LANCL1: variants seen among roughly 807,000 people sequenced by gnomAD.
The protein encoded by LANCL1 is glutathione S-transferase LANCL1.
In LANCL1, 50 loss-of-function variants were observed where a neutral mutation model predicts 50.6. The observed-to-expected ratio is 0.99, with a 90% CI of 0.79 to 1.25. The LOEUF (loss-of-function observed/expected upper bound fraction) is 1.25, where lower values mean the gene tolerates loss of function less well. Ranked by LOEUF, LANCL1 falls within the 50% of genes most tolerant of loss-of-function variation. LANCL1 has a pLI of 0.00. For missense variants in LANCL1, 532 were observed against 480.7 expected, an observed-to-expected ratio of 1.11 and a Z score of -1.00; for synonymous variants, 188 against 178.6, an observed-to-expected ratio of 1.05 and a Z score of -0.42.
chr2:210,436,816 T>C (rs928580703), intron 7 of LANCL1, among the ~76,000 whole-genome samples: 3 of 152,162 alleles, frequency 2.0e-5, no homozygotes, highest in East Asian at 1.9e-4. Context: ...GTCAGAAAAA[T>C]AGAGATAGAC....
chr2:210,447,785 C>CA (rs1359859728), intron 4 of LANCL1, among the ~76,000 whole-genome samples: 1 of 152,116 alleles, frequency 6.6e-6, no homozygotes, highest in African/African-American at 2.4e-5. Flanking sequence ...GTAAAGGGAT[C>CA]AATGCAACAA....
Position 210,441,411 on chromosome 2 carries a change from G to A in LANCL1, c.440C>T (p.Ala147Val). The change falls in exon 5 of 10, where the codon GCT (alanine) becomes GTT (valine). Residue 147 changes from alanine (A) to valine (V), a missense_variant. By Grantham distance (64) the Ala-to-Val change is moderately conservative. Transcript: ENST00000450366. ...TCGCCCATAGAGCATTTCATTTGGA[G>A]CATGAGGATCAATCTTATTTAGGTG... is the stretch of plus-strand genomic sequence containing the variant. ...LIHLNKIDPH[A>V]PNEMLYGRIG... 1 of 1,611,412 alleles carries A rather than the reference G, an allele frequency of 6.2e-7. No individual in the cohort carries two copies. The highest frequency in any genetic ancestry group is 8.5e-7 in the Non-Finnish European group (1 of 1,178,242).
intron 4 of LANCL1, chr2:210,442,825 G>C (rs558957635): frequency 6.6e-6 from 1 of 152,344 alleles, no homozygotes; most frequent in South Asian, 2.1e-4. Context: ...TCTGAACAAA[G>C]AGAACTCCTA....
chr2:210,441,173 G>T, intron 5 of LANCL1, 135 bp downstream of exon 5: 1 of 868,300 alleles, frequency 1.2e-6, no homozygotes, highest in Non-Finnish European at 1.8e-6. Flanking sequence ...CTTGGACTGT[G>T]CCCAACCTTT....
intron 2 of LANCL1, among the ~76,000 whole-genome samples, chr2:210,473,587 A>G (rs745324485): frequency 6.6e-6 from 1 of 152,154 alleles, no homozygotes; most frequent in Non-Finnish European, 1.5e-5. Context: ...TCAGAATCTC[A>G]TTTTTAAAAA....
rs375089783 is a variant in LANCL1, at chr2:210,433,617, A to T, written c.*870T>A. 3.2e-4 allele frequency: 49 copies of T among 152,340 alleles called. No homozygotes were observed. The highest frequency in any genetic ancestry group is 1.2e-3 in the African/African-American group (49 of 41,578). 9.4% of individuals were successfully genotyped at this position (152,340 alleles called of 1,614,324 possible). A position where few individuals can be genotyped will look rare whatever the true frequency, so the allele number is the denominator to read the frequency against. On this transcript the variant is annotated 3_prime_UTR_variant, in exon 10 of 10. Transcript: ENST00000450366. Reference sequence around the variant, plus strand: ...AAGTTTAGAAAGTCAGTCAGAGTGGACTGAAATCCTAGGTTAAAGCATATT... The same window carrying T: ...AAGTTTAGAAAGTCAGTCAGAGTGGTCTGAAATCCTAGGTTAAAGCATATT...
At chr2:210,474,093 A>G (rs1035271203) in intron 2 of LANCL1, among the ~76,000 whole-genome samples, 1 of 152,216 alleles carries the variant, frequency 6.6e-6, no homozygotes, top group South Asian at 2.1e-4. Flanking sequence ...AATAAAGGTG[A>G]CCTCTGTGAG....
At chr2:210,454,302 C>T (rs1345884018) in intron 4 of LANCL1, among the ~76,000 whole-genome samples, 1 of 151,680 alleles carries the variant, frequency 6.6e-6, no homozygotes, top group Admixed American at 6.6e-5. Flanking sequence ...TTTTTGAATA[C>T]AGCACTATGA....
At chr2:210,466,943 C>CA (rs35109214) in intron 3 of LANCL1, among the ~76,000 whole-genome samples, 13,648 of 149,566 alleles carry the variant, frequency 0.091, 668 homozygotes, top group Middle Eastern at 0.15. Context: ...GTGGATATGG[C>CA]AAAAAAAAAG....
upstream of LANCL1, among the ~76,000 whole-genome samples, chr2:210,477,096 G>A (rs1487223306): frequency 6.6e-6 from 1 of 151,374 alleles, no homozygotes; most frequent in Non-Finnish European, 1.5e-5. Context: ...TTTGGCGGGG[G>A]GTGGGGGGAT....
At chr2:210,453,996 C>T (rs1693587076) in intron 4 of LANCL1, among the ~76,000 whole-genome samples, 1 of 152,024 alleles carries the variant, frequency 6.6e-6, no homozygotes, top group South Asian at 2.1e-4. Flanking sequence ...TATGTAATGT[C>T]TAGCCCCTAA....
Position 210,432,033 on chromosome 2 carries a change from C to A in LANCL1, c.*2454G>T, listed in dbSNP as rs939027738. 9 of 152,102 alleles carry A rather than the reference C, an allele frequency of 5.9e-5. No individual in the cohort carries two copies. The highest frequency in any genetic ancestry group is 2.2e-4 in the African/African-American group (9 of 41,410). 9.4% of individuals were successfully genotyped at this position (152,102 alleles called of 1,614,324 possible). On this transcript the variant is annotated 3_prime_UTR_variant, in exon 10 of 10. Transcript: ENST00000450366. Reference sequence around the variant, plus strand: ...TGGTATTGAGTTTTCTAGGAACCAACTTCTGGGAAAGATTTTTAAAGAAGA... The same window carrying A: ...TGGTATTGAGTTTTCTAGGAACCAAATTCTGGGAAAGATTTTTAAAGAAGA...
intron 4 of LANCL1, among the ~76,000 whole-genome samples, chr2:210,445,955 C>G (rs1361635587): frequency 6.6e-6 from 1 of 152,174 alleles, no homozygotes; most frequent in Non-Finnish European, 1.5e-5. Context: ...AGGCAGCAGC[C>G]CCAGTCAGGG....
At chr2:210,456,031 T>A (rs367703792) in intron 3 of LANCL1, among the ~76,000 whole-genome samples, 95 of 152,250 alleles carry the variant, frequency 6.2e-4, no homozygotes, top group African/African-American at 2.3e-3. Context: ...CTTACCCTAC[T>A]CTTGAAGCCT....
At chr2:210,448,221 G>A (rs1047747957) in intron 4 of LANCL1, among the ~76,000 whole-genome samples, 3 of 152,166 alleles carry the variant, frequency 2.0e-5, no homozygotes, top group Admixed American at 6.5e-5. Context: ...ACAACTACAC[G>A]GAAAGTGAAC....
At chr2:210,464,935 C>T (rs1006223614) in intron 3 of LANCL1, among the ~76,000 whole-genome samples, 6 of 144,202 alleles carry the variant, frequency 4.2e-5, no homozygotes, top group Admixed American at 1.4e-4. Flanking sequence ...CACTGCAGTC[C>T]GCAGTTCGGC....
At chr2:210,471,042 A>ATTTTTTTTTTTTT (rs35572251) in intron 3 of LANCL1, among the ~76,000 whole-genome samples, 6 of 96,288 alleles carry the variant, frequency 6.2e-5, no homozygotes, top group Non-Finnish European at 8.2e-5. Flanking sequence ...TTCTTCTTTG[A>ATTTTTTTTTTTTT]TTTTTTTTTT....
chr2:210,471,188 A>G (rs1694213303), intron 3 of LANCL1, among the ~76,000 whole-genome samples: 1 of 151,694 alleles, frequency 6.6e-6, no homozygotes, highest in Non-Finnish European at 1.5e-5. Context: ...CTGGGACTAC[A>G]GGTATGAGCC....
At chr2:210,447,291 G>A (rs1419671745) in intron 4 of LANCL1, among the ~76,000 whole-genome samples, 3 of 151,990 alleles carry the variant, frequency 2.0e-5, no homozygotes, top group Non-Finnish European at 4.4e-5. Context: ...AATCCTTTAC[G>A]GACAAGCAAA....
Sources: gnomAD v4.1 joint callset for allele counts (sites outside exome capture counted in the v4.1 genomes callset) on GRCh38, gnomAD v4.1.1 for gene constraint, MANE v1.5 for transcripts, NCBI Gene and HGNC (gene_info 2026-07-23, HGNC 2026-07-21) for gene names.